Variants in DLC1 observed in about 807,000 individuals in gnomAD.
DLC1 encodes the protein rho GTPase-activating protein 7.
Under a neutral mutation model 140.3 loss-of-function variants are expected in DLC1, and 54 were observed. The ratio of observed to expected loss-of-function variants is 0.38; its 90% CI spans 0.31 to 0.48. The LOEUF is 0.48. DLC1 is among the 20% of genes least tolerant of loss of function. DLC1 has a pLI of 0.96. For synonymous variants in DLC1, 986 were observed against 728.1 expected (o/e 1.35, Z -5.70); for missense variants, 2,536 against 1,907.0 (o/e 1.33, Z -6.14).
intron 5 of DLC1, among the ~76,000 whole-genome samples, chr8:13,186,300 T>A (rs1826366508): frequency 6.6e-6 from 1 of 152,170 alleles, no homozygotes; most frequent in African/African-American, 2.4e-5. Flanking sequence ...AAACGCAGAT[T>A]TGGTCTTTTC....
At chr8:13,500,291 G>C in intron 1 of DLC1, 95 bp from the exon 2 acceptor site, 1 of 433,424 alleles carries the variant, frequency 2.3e-6, no homozygotes, top group Non-Finnish European at 4.1e-6. Flanking sequence ...TGCTATCAAA[G>C]TTAAGAGATT....
chr8:13,461,595 A>T (rs1799660520), intron 2 of DLC1, among the ~76,000 whole-genome samples: 1 of 152,156 alleles, frequency 6.6e-6, no homozygotes, highest in African/African-American at 2.4e-5. Context: ...TGAGATATAA[A>T]ATTATTATTG....
rs1563591197 is a variant in DLC1, at chr8:13,099,624, C to T, written c.2713G>A (p.Glu905Lys). ...ACGTGGTAGAGGATGTCGTCCAGCT[C>T]GGGGAAGATGTCCTCGTTCTCCAGA... is the stretch of plus-strand genomic sequence containing the variant. Reference protein sequence around the residue: ...ADLENEDIFPELDDILYHVKG... With the variant: ...ADLENEDIFPKLDDILYHVKG... Residue 905 changes from glutamate (E) to lysine (K), a missense_variant, in exon 9 of 18, where the codon GAG (glutamate) becomes AAG (lysine). By Grantham distance (56) the Glu-to-Lys change is moderately conservative. Coordinates refer to ENST00000276297, the MANE Select transcript of DLC1 (RefSeq NM_182643.3). The T allele has an allele frequency of 6.2e-7, 1 of 1,614,136 alleles. No homozygotes were observed. Among genetic ancestry groups the T allele is most frequent in the Non-Finnish European group, 8.5e-7 (1 of 1,180,016 alleles).
intron 1 of DLC1, among the ~76,000 whole-genome samples, chr8:13,591,786 A>G (rs1001424826): frequency 3.3e-5 from 5 of 152,140 alleles, no homozygotes; most frequent in Non-Finnish European, 4.4e-5. Flanking sequence ...GAGAAAGTGG[A>G]TCCACAGTGA....
intron 1 of DLC1, among the ~76,000 whole-genome samples, chr8:13,557,099 C>A (rs527582257): frequency 3.9e-5 from 6 of 152,168 alleles, no homozygotes; most frequent in South Asian, 2.1e-4. Context: ...TGCTGGGGAA[C>A]TCTGAATGTT....
chr8:13,501,248 A>G (rs775935669), intron 1 of DLC1, among the ~76,000 whole-genome samples: 2 of 152,206 alleles, frequency 1.3e-5, no homozygotes, highest in East Asian at 1.9e-4. Flanking sequence ...AAAATCATGC[A>G]TAAGACAAGC....
intron 5 of DLC1, among the ~76,000 whole-genome samples, chr8:13,237,657 G>A (rs545471272): frequency 6.6e-5 from 10 of 151,996 alleles, no homozygotes; most frequent in Admixed American, 3.3e-4. Flanking sequence ...ATATCACTGC[G>A]CATGTTTCTA....
At chr8:13,387,750 A>G (rs572982429) in intron 4 of DLC1, among the ~76,000 whole-genome samples, 3 of 152,226 alleles carry the variant, frequency 2.0e-5, no homozygotes, top group South Asian at 2.1e-4. Context: ...ATATACCTAA[A>G]GTATAGCCTA....
chr8:13,466,769 C>T (rs1226057763), intron 2 of DLC1, among the ~76,000 whole-genome samples: 2 of 152,130 alleles, frequency 1.3e-5, no homozygotes, highest in Admixed American at 6.5e-5. Flanking sequence ...GTTCTATGTA[C>T]ATTAGATTTT....
rs11295861 is a variant in DLC1, at chr8:13,508,423, C to CTT, written c.-126+6177_-126+6178dup. ...TTTATGGATGTAGTAACTTCTTTTT[C>CTT]TTTTTTTTTTTTGAGACGGAGTCTC... On this transcript the variant is annotated intron_variant, in intron 1 of 17. Coordinates refer to ENST00000276297, the MANE Select transcript of DLC1 (RefSeq NM_182643.3). Among the ~76,000 whole-genome samples, 181 of 146,256 alleles carry CTT rather than the reference C, an allele frequency of 1.2e-3. 8 individuals are homozygous for CTT. The highest frequency in any genetic ancestry group is 1.3e-3 in the South Asian group (6 of 4,664).
Position 13,120,712 on chromosome 8 carries a change from A to T in DLC1, c.1349-5055T>A, listed in dbSNP as rs569242107. 2.0e-5 allele frequency among the ~76,000 whole-genome samples: 3 copies of T among 152,314 alleles called. No homozygotes were observed. In the South Asian group the frequency reaches 6.2e-4, roughly 32 times the overall value. On this transcript the variant is annotated intron_variant, in intron 5 of 17. Transcript: ENST00000276297. ...CAAATGCCGTAAGGAGGAAACAGGAAATTTTTATTGGAAACAGCTTTAGTC... is the reference window on the plus strand; with the variant it reads ...CAAATGCCGTAAGGAGGAAACAGGATATTTTTATTGGAAACAGCTTTAGTC...
At chr8:13,561,343 T>C (rs1804236368) in intron 1 of DLC1, among the ~76,000 whole-genome samples, 1 of 152,100 alleles carries the variant, frequency 6.6e-6, no homozygotes, top group Non-Finnish European at 1.5e-5. Flanking sequence ...GCTAAGTTTT[T>C]CATTTTGTAG....
chr8:13,539,000 A>G (rs1447150280), intron 1 of DLC1, among the ~76,000 whole-genome samples: 1 of 152,072 alleles, frequency 6.6e-6, no homozygotes. Flanking sequence ...TCATTTTTCT[A>G]TTTAGTCACT....
chr8:13,448,524 G>A (rs977937157), intron 2 of DLC1, among the ~76,000 whole-genome samples: 14 of 151,828 alleles, frequency 9.2e-5, no homozygotes, highest in Admixed American at 5.9e-4. Context: ...CACCACACCC[G>A]GCTAATTTTT....
At chr8:13,289,618 A>G (rs1158864979) in intron 5 of DLC1, among the ~76,000 whole-genome samples, 1 of 152,212 alleles carries the variant, frequency 6.6e-6, no homozygotes, top group Non-Finnish European at 1.5e-5. Context: ...GGCATAAGCC[A>G]CTGTGACCAG....
chr8:13,428,504 GTTTGA>G (rs1240194788), intron 2 of DLC1, among the ~76,000 whole-genome samples: 2 of 152,256 alleles, frequency 1.3e-5, no homozygotes, highest in Admixed American at 1.3e-4. Flanking sequence ...AGAATATTTA[GTTTGA>G]TTTAACCAAT....
At position 13,558,681 on chromosome 8, in the gene DLC1, A is replaced by G. The variant is rs1275447739; in HGVS notation, c.-126+45856T>C. The stretch of plus-strand genomic sequence containing the variant: ...CCTTATGATAATAATATGTTTAAAT[A>G]TAACAAATGGGTCACATTGAATATT... On this transcript the variant is annotated intron_variant, in intron 1 of 1. Coordinates refer to the DLC1 transcript ENST00000631382. 2.0e-5 allele frequency: 3 copies of G among 152,206 alleles called. No individual in the cohort carries two copies. In the East Asian group the frequency reaches 5.8e-4, roughly 29 times the overall value. The allele number at this position is 152,206 out of a possible 1,614,324, so 9.4% of individuals were successfully genotyped here.
chr8:13,193,641 T>A (rs1826886152), intron 5 of DLC1, among the ~76,000 whole-genome samples: 1 of 152,190 alleles, frequency 6.6e-6, no homozygotes, highest in Admixed American at 6.5e-5. Flanking sequence ...GCAACGGAAG[T>A]TCATAGGAAT....
At chr8:13,587,800 C>G (rs190393957) in intron 1 of DLC1, among the ~76,000 whole-genome samples, 1 of 151,834 alleles carries the variant, frequency 6.6e-6, no homozygotes, top group Admixed American at 6.6e-5. Flanking sequence ...TTTCAAGTTT[C>G]TATCAGTACT....
Sources: gnomAD v4.1 joint callset for allele counts (sites outside exome capture counted in the v4.1 genomes callset) on GRCh38, gnomAD v4.1.1 for gene constraint, MANE v1.5 for transcripts, NCBI Gene and HGNC (gene_info 2026-07-23, HGNC 2026-07-21) for gene names.